Variants in COL14A1 observed in about 807,000 individuals in gnomAD.
COL14A1 encodes collagen alpha-1(XIV) chain.
In COL14A1, 136 loss-of-function variants were observed where a neutral mutation model predicts 230.3. The observed-to-expected ratio is 0.59, with a 90% CI of 0.51 to 0.68. The LOEUF (loss-of-function observed/expected upper bound fraction) is 0.68, where lower values mean the gene tolerates loss of function less well. Among genes scored for constraint, COL14A1 ranks in the 30% least tolerant of loss-of-function variants. The pLI, the probability that COL14A1 is intolerant of heterozygous loss-of-function variation, is 0.00. For missense variants in COL14A1, 1,976 were observed against 2,215.8 expected, an observed-to-expected ratio of 0.89 and a Z score of 2.17; for synonymous variants, 792 against 784.1, an observed-to-expected ratio of 1.01 and a Z score of -0.17.
intron 1 of COL14A1, among the ~76,000 whole-genome samples, chr8:120,133,236 A>AT (rs1174882729): frequency 6.6e-6 from 1 of 151,946 alleles, no homozygotes; most frequent in Non-Finnish European, 1.5e-5. Context: ...AAAATAAAAA[A>AT]AAAAAAAATA....
chr8:120,197,992 C>A, intron 7 of COL14A1, 62 bp downstream of exon 7: 1 of 1,523,682 alleles, frequency 6.6e-7, no homozygotes, highest in Non-Finnish European at 9.0e-7. Flanking sequence ...TGTATTACCT[C>A]ATTTTGCCAC....
chr8:120,250,579 T>G, intron 21 of COL14A1, 38 bp from the exon 22 acceptor site: 1 of 1,610,640 alleles, frequency 6.2e-7, no homozygotes, highest in Non-Finnish European at 8.5e-7. Flanking sequence ...TTTTCCCATA[T>G]TTTGTTGTAA....
intron 42 of COL14A1, among the ~76,000 whole-genome samples, chr8:120,339,690 G>A (rs1822215878): frequency 6.6e-6 from 1 of 151,944 alleles, no homozygotes. Context: ...AGAATTTTGA[G>A]TGAACACCAC....
chr8:120,210,707 C>G (rs905082098), intron 12 of COL14A1, among the ~76,000 whole-genome samples: 4 of 152,066 alleles, frequency 2.6e-5, no homozygotes, highest in African/African-American at 9.7e-5. Flanking sequence ...AATGACCAGG[C>G]AGGTGGAGTT....
At chr8:120,187,444 A>G (rs766123493) in intron 5 of COL14A1, among the ~76,000 whole-genome samples, 5 of 152,238 alleles carry the variant, frequency 3.3e-5, no homozygotes, top group Non-Finnish European at 5.9e-5. Flanking sequence ...AAATAAAATG[A>G]AAGAATTTGA....
chr8:120,136,638 A>AT (rs977489149), intron 1 of COL14A1, among the ~76,000 whole-genome samples: 1 of 151,804 alleles, frequency 6.6e-6, no homozygotes, highest in Non-Finnish European at 1.5e-5. Context: ...TGTGATTTTT[A>AT]TTTTTTGTGA....
chr8:120,144,184 GTCTC>G lies in COL14A1; in HGVS notation c.-37-3618_-37-3615del, dbSNP rs201989120. ...AGTTGGACAGAAACAATCTTGAGCT[GTCTC>G]TCTTGTTGTTCAAGAATATAAAAAA... is the stretch of plus-strand genomic sequence containing the variant. On this transcript the variant is annotated intron_variant, in intron 1 of 47. Coordinates refer to ENST00000297848, the MANE Select transcript of COL14A1 (RefSeq NM_021110.4). 2.1e-3 allele frequency among the ~76,000 whole-genome samples: 275 copies of G among 128,542 alleles called. 1 individual carries two copies. The East Asian group carries it at 0.047, about 22-fold the overall frequency. The allele number at this position is 128,542 out of a possible 152,430, so 84.3% of individuals were successfully genotyped here.
chr8:120,265,183 C>T (rs528558636), intron 24 of COL14A1, among the ~76,000 whole-genome samples: 1 of 152,198 alleles, frequency 6.6e-6, no homozygotes, highest in East Asian at 1.9e-4. Context: ...CCAAGAGATT[C>T]TTTAGCCAGA....
chr8:120,220,598 A>C (rs888764579), intron 14 of COL14A1, among the ~76,000 whole-genome samples: 1 of 151,962 alleles, frequency 6.6e-6, no homozygotes, highest in Non-Finnish European at 1.5e-5. Context: ...AACGCTTTTG[A>C]TTTACACTCA....
chr8:120,321,526 C>T (rs553660367), intron 40 of COL14A1, among the ~76,000 whole-genome samples: 83 of 152,112 alleles, frequency 5.5e-4, no homozygotes, highest in African/African-American at 1.9e-3. Context: ...GCCTGTAATT[C>T]CAGCTACTCA....
chr8:120,321,566 C>T (rs975031219), intron 40 of COL14A1, among the ~76,000 whole-genome samples: 8 of 151,520 alleles, frequency 5.3e-5, no homozygotes, highest in Non-Finnish European at 7.4e-5. Flanking sequence ...TCACTTGAAC[C>T]GAGGAGGTGG....
chr8:120,266,840 A>G lies in COL14A1; in HGVS notation c.3030A>G (p.Thr1010=), dbSNP rs1819516010. The change falls in exon 25 of 48, where the codon ACA becomes ACG. Residue 1010 remains threonine, a synonymous_variant. Coordinates refer to ENST00000297848, the MANE Select transcript of COL14A1 (RefSeq NM_021110.4). ...TTTCCTTTACAGAATCACTTCCTAC[A>G]CGACCACCAACTTTTCCTCCAACCA... The part of the protein sequence containing the change: ...SIMEKTQSLP[T]RPPTFPPTIP... The G allele has an allele frequency of 1.2e-6, 2 of 1,612,276 alleles. No homozygotes were observed. The highest frequency in any genetic ancestry group is 1.3e-5 in the African/African-American group (1 of 74,872).
chr8:120,254,759 C>T (rs561997031), intron 22 of COL14A1, among the ~76,000 whole-genome samples: 93 of 141,842 alleles, frequency 6.6e-4, no homozygotes, highest in Non-Finnish European at 1.2e-3. Context: ...CTGAGGCAGG[C>T]AGGTGGCTTG....
chr8:120,370,677 T>C, intron 47 of COL14A1: 1 of 1,443,640 alleles, frequency 6.9e-7, no homozygotes, highest in Non-Finnish European at 9.2e-7. Context: ...CTCCCCTGTG[T>C]GACAGCTTCA....
At position 120,324,188 on chromosome 8, in the gene COL14A1, A is replaced by G. The variant is rs1821569901; in HGVS notation, c.4660-7953A>G. Among the ~76,000 whole-genome samples, 3 of 152,248 alleles carry G rather than the reference A, an allele frequency of 2.0e-5. No individual in the cohort carries two copies. In the South Asian group the frequency reaches 6.2e-4, roughly 32 times the overall value. ...CCCCTGTGACATGCAATTTACCTGT[A>G]TAAGAAACCAGCTCATGTACCCTGA... On this transcript the variant is annotated intron_variant, in intron 40 of 47. Coordinates refer to ENST00000297848, the MANE Select transcript of COL14A1 (RefSeq NM_021110.4).
chr8:120,158,731 T>G (rs1342984339), intron 3 of COL14A1, among the ~76,000 whole-genome samples: 2 of 152,132 alleles, frequency 1.3e-5, no homozygotes, highest in African/African-American at 4.8e-5. Context: ...ATGCTTTAAA[T>G]TAAGCATCTT....
At chr8:120,165,853 G>A (rs1010039184) in intron 4 of COL14A1, among the ~76,000 whole-genome samples, 1 of 152,208 alleles carries the variant, frequency 6.6e-6, no homozygotes, top group Non-Finnish European at 1.5e-5. Flanking sequence ...CACCCATGGA[G>A]GTCAGGGAGC....
At chr8:120,174,496 T>C (rs576437849) in intron 5 of COL14A1, among the ~76,000 whole-genome samples, 140 of 152,290 alleles carry the variant, frequency 9.2e-4, no homozygotes, top group African/African-American at 3.3e-3. Flanking sequence ...GTGAGGCTAC[T>C]ATTGGCAAAT....
intron 43 of COL14A1, among the ~76,000 whole-genome samples, chr8:120,342,083 T>G (rs775617641): frequency 5.3e-5 from 8 of 152,230 alleles, no homozygotes; most frequent in Non-Finnish European, 8.8e-5. Flanking sequence ...AAGAGCTATA[T>G]ATCACGTGTT....
Sources: allele counts gnomAD v4.1 joint callset (sites outside exome capture counted in the v4.1 genomes callset), GRCh38; gene constraint gnomAD v4.1.1; transcripts MANE v1.5; gene names NCBI Gene and HGNC (gene_info 2026-07-23, HGNC 2026-07-21).